Variants in PARM1 observed in about 807,000 individuals in gnomAD.
The protein encoded by PARM1 is prostate androgen-regulated mucin-like protein 1, also known as WSC4, cell wall integrity and stress response component 4 homolog.
PARM1 carries 14 observed loss-of-function variants against 24.6 expected under a neutral mutation model. The ratio of observed to expected loss-of-function variants is 0.57; its 90% CI spans 0.38 to 0.89. The LOEUF is 0.89. Ranked by LOEUF, PARM1 falls within the 40% of genes least tolerant of loss-of-function variation. The pLI is 0.00. For missense variants in PARM1, 362 were observed against 380.4 expected, an observed-to-expected ratio of 0.95 and a Z score of 0.40; for synonymous variants, 179 against 156.6, an observed-to-expected ratio of 1.14 and a Z score of -1.07.
At chr4:75,033,613 A>C (rs996040536) in intron 2 of PARM1, among the ~76,000 whole-genome samples, 1 of 152,054 alleles carries the variant, frequency 6.6e-6, no homozygotes, top group Non-Finnish European at 1.5e-5. Context: ...ATGACTAAGT[A>C]CTCCTCTCTA....
Position 75,019,960 on chromosome 4 carries a change from G to A in PARM1, c.769+6810G>A, listed in dbSNP as rs1397601685. On this transcript the variant is annotated intron_variant, in intron 2 of 3. Coordinates refer to ENST00000307428, the MANE Select transcript of PARM1 (RefSeq NM_015393.4). ...GGAGCTTGCAGTGAGCCGAGATTGC[G>A]CCACTGCAGTCCGCAGTCCGGCCTG... Among the ~76,000 whole-genome samples the A allele has an allele frequency of 4.6e-5, 6 of 130,090 alleles. No homozygotes were observed. In the East Asian group the frequency reaches 6.8e-4, roughly 15 times the overall value. 85.3% of individuals were successfully genotyped at this position (130,090 alleles called of 152,430 possible).
chr4:75,012,703 G>C lies in PARM1; in HGVS notation c.322G>C (p.Gly108Arg). 1 of 1,613,970 alleles carries C rather than the reference G, an allele frequency of 6.2e-7. No homozygotes were observed. The highest frequency in any genetic ancestry group is 8.5e-7 in the Non-Finnish European group (1 of 1,179,872). ...CACAAACACAGACCCCTCACCTTCT[G>C]GGTTCTCGTCAACAAGCGGTGGAGT... ...EGTNTDPSPS[G>R]FSSTSGGVHL... The change falls in exon 2 of 4, where the codon GGG (glycine) becomes CGG (arginine). Residue 108 changes from glycine (G) to arginine (R), a missense_variant. Physicochemically the swap from Gly to Arg is moderately radical, Grantham distance 125. Transcript: ENST00000307428.
chr4:75,012,912 T>G lies in PARM1; in HGVS notation c.531T>G (p.His177Gln), dbSNP rs576840685. Residue 177 changes from histidine to glutamine, a missense_variant, in exon 2 of 4, where the codon CAT (histidine) becomes CAG (glutamine). Physicochemically the swap from His to Gln is conservative, Grantham distance 24. Coordinates refer to ENST00000307428, the MANE Select transcript of PARM1 (RefSeq NM_015393.4). ...TTTCTGCCTCCGTTACTACCAACCA[T>G]AGCTCCACTGTGACCAGCACCCAAC... The part of the protein sequence containing the change: ...EVFSASVTTN[H>Q]SSTVTSTQPT... 1.2e-6 allele frequency: 2 copies of G among 1,613,818 alleles called. No homozygotes were observed. The highest frequency in any genetic ancestry group is 1.7e-6 in the Non-Finnish European group (2 of 1,179,892).
intron 2 of PARM1, among the ~76,000 whole-genome samples, chr4:75,031,853 A>G (rs1295340047): frequency 6.6e-6 from 1 of 152,206 alleles, no homozygotes; most frequent in African/African-American, 2.4e-5. Flanking sequence ...AAATACTCCC[A>G]TCACCTTACC....
chr4:74,964,055 C>T (rs969595653), intron 1 of PARM1, among the ~76,000 whole-genome samples: 4 of 152,124 alleles, frequency 2.6e-5, no homozygotes, highest in African/African-American at 9.7e-5. Flanking sequence ...GGGAATGGTG[C>T]GTGGTGTCAG....
At chr4:74,947,995 A>C (rs2109983401) in intron 1 of PARM1, among the ~76,000 whole-genome samples, 1 of 152,300 alleles carries the variant, frequency 6.6e-6, no homozygotes, top group East Asian at 1.9e-4. Flanking sequence ...AGTCTTCCCC[A>C]GGAAGACTGC....
At chr4:74,933,455 C>A in intron 1 of PARM1, 85 bp downstream of exon 1, 1 of 1,217,380 alleles carries the variant, frequency 8.2e-7, no homozygotes, top group Non-Finnish European at 1.2e-6. Context: ...GCTAGGAGAT[C>A]CGGCAGTGAG....
At chr4:74,948,804 C>T (rs1007137206) in intron 1 of PARM1, among the ~76,000 whole-genome samples, 6 of 152,096 alleles carry the variant, frequency 3.9e-5, no homozygotes, top group African/African-American at 7.2e-5. Flanking sequence ...GGGTGGATCA[C>T]GAGGTCAGAA....
chr4:74,950,067 G>A (rs1371035876), intron 1 of PARM1, among the ~76,000 whole-genome samples: 2 of 152,116 alleles, frequency 1.3e-5, no homozygotes, highest in Non-Finnish European at 2.9e-5. Context: ...TTGCCCAGAA[G>A]CAAAGGTTAT....
At chr4:74,957,071 A>T (rs535251470) in intron 1 of PARM1, 1 of 152,218 alleles carries the variant, frequency 6.6e-6, no homozygotes, top group Non-Finnish European at 1.5e-5. Flanking sequence ...CATCTCTGCC[A>T]TATAGTGGGC....
chr4:74,964,553 G>GCACA (rs35380033), intron 1 of PARM1, among the ~76,000 whole-genome samples: 2,776 of 143,378 alleles, frequency 0.019, 41 homozygotes, highest in Non-Finnish European at 0.03. Flanking sequence ...ACCTGGCAAA[G>GCACA]CACACACACA....
chr4:75,000,417 T>G (rs1262706235), intron 1 of PARM1, among the ~76,000 whole-genome samples: 1 of 152,160 alleles, frequency 6.6e-6, no homozygotes, highest in African/African-American at 2.4e-5. Context: ...GCCTGGTGGA[T>G]CAACAATATC....
chr4:74,966,945 A>T (rs909042919), intron 1 of PARM1: 1 of 152,178 alleles, frequency 6.6e-6, no homozygotes, highest in Admixed American at 6.5e-5. Context: ...ATGTGATTTT[A>T]CAGATGATTT....
intron 1 of PARM1, among the ~76,000 whole-genome samples, chr4:74,961,670 T>C (rs1310578489): frequency 6.6e-6 from 1 of 152,180 alleles, no homozygotes; most frequent in Non-Finnish European, 1.5e-5. Context: ...TACAAAGTGC[T>C]GAAAGAAAAC....
chr4:74,935,137 G>A (rs1432274525), intron 1 of PARM1, among the ~76,000 whole-genome samples: 1 of 151,776 alleles, frequency 6.6e-6, no homozygotes, highest in Non-Finnish European at 1.5e-5. Context: ...CTACCCCCAC[G>A]CACTAATTAG....
intron 2 of PARM1, among the ~76,000 whole-genome samples, chr4:75,028,192 T>C (rs1723216931): frequency 6.6e-6 from 1 of 152,228 alleles, no homozygotes; most frequent in Non-Finnish European, 1.5e-5. Flanking sequence ...TTGTCGTTGA[T>C]TTCTCCTGCT....
intron 1 of PARM1, among the ~76,000 whole-genome samples, chr4:74,977,418 A>G (rs542212848): frequency 1.3e-5 from 2 of 152,296 alleles, no homozygotes; most frequent in South Asian, 4.1e-4. Flanking sequence ...GAAAAAAAGA[A>G]TAAAAAGGAA....
At chr4:75,021,419 A>T (rs7673528) in intron 2 of PARM1, among the ~76,000 whole-genome samples, 1,688 of 149,810 alleles carry the variant, frequency 0.011, 30 homozygotes, top group African/African-American at 0.039. Flanking sequence ...ACTCTCACTC[A>T]TATTTTTTTC....
At chr4:75,026,793 C>G (rs1009906002) in intron 2 of PARM1, among the ~76,000 whole-genome samples, 1 of 152,228 alleles carries the variant, frequency 6.6e-6, no homozygotes, top group Non-Finnish European at 1.5e-5. Flanking sequence ...AATGAAGACA[C>G]TGGCCTTTAC....
Sources: allele counts gnomAD v4.1 joint callset (sites outside exome capture counted in the v4.1 genomes callset), GRCh38; gene constraint gnomAD v4.1.1; transcripts MANE v1.5; gene names NCBI Gene and HGNC (gene_info 2026-07-23, HGNC 2026-07-21).